FAM168B: variants seen among roughly 807,000 people sequenced by gnomAD.
The protein encoded by FAM168B is myelin-associated neurite-outgrowth inhibitor.
Under a neutral mutation model 21.8 loss-of-function variants are expected in FAM168B, and 19 were observed. The observed-to-expected ratio is 0.87, with a 90% CI of 0.61 to 1.28. The LOEUF is 1.28. Ranked by LOEUF, FAM168B falls within the 50% of genes most tolerant of loss-of-function variation. The probability of loss-of-function intolerance (pLI) is 0.00; values close to 1 mark genes in which losing one functional copy is unlikely to be tolerated. For missense variants in FAM168B, 233 were observed against 263.1 expected, an observed-to-expected ratio of 0.89 and a Z score of 0.79; for synonymous variants, 126 against 104.8, an observed-to-expected ratio of 1.20 and a Z score of -1.24.
chr2:131,084,825 T>G (rs925248427), intron 1 of FAM168B, among the ~76,000 whole-genome samples: 1 of 152,008 alleles, frequency 6.6e-6, no homozygotes, highest in South Asian at 2.1e-4. Context: ...CAAGCTTAAG[T>G]GATCTTCCCA....
Position 131,050,285 on chromosome 2 carries a change from G to A in FAM168B, c.*2180C>T, listed in dbSNP as rs1691579058. On this transcript the variant is annotated 3_prime_UTR_variant, in exon 7 of 7. Transcript: ENST00000389915. ...GTATGTTTCCATTTTGTTGTGTGGG[G>A]CTTTTTAAAAGCATACACTAACATT... 3 of 985,408 alleles carry A rather than the reference G, an allele frequency of 3.0e-6. No individual in the cohort carries two copies. Among genetic ancestry groups the A allele is most frequent in the South Asian group, 4.7e-5 (1 of 21,284 alleles). The allele number at this position is 985,408 out of a possible 1,614,324, so 61.0% of individuals were successfully genotyped here. A position where few individuals can be genotyped will look rare whatever the true frequency, so the allele number is the denominator to read the frequency against.
intron 3 of FAM168B, among the ~76,000 whole-genome samples, chr2:131,056,253 C>T (rs1692015365): frequency 6.6e-6 from 1 of 152,168 alleles, no homozygotes; most frequent in Non-Finnish European, 1.5e-5. Context: ...AAGCTGAACA[C>T]ACATACTTGC....
chr2:131,079,055 A>G (rs2105555239), intron 2 of FAM168B, among the ~76,000 whole-genome samples: 1 of 152,170 alleles, frequency 6.6e-6, no homozygotes, highest in East Asian at 1.9e-4. Context: ...TGCTGAGAGG[A>G]AATAATGTGA....
At chr2:131,081,385 A>G (rs2105565598) in intron 2 of FAM168B, among the ~76,000 whole-genome samples, 2 of 152,268 alleles carry the variant, frequency 1.3e-5, no homozygotes, top group Non-Finnish European at 1.5e-5. Flanking sequence ...ATATGCCCCC[A>G]CAGCAGTTCT....
chr2:131,060,487 A>G lies in FAM168B; in HGVS notation c.155-4792T>C, dbSNP rs962906867. On this transcript the variant is annotated intron_variant, in intron 3 of 6. Coordinates refer to ENST00000389915, the MANE Select transcript of FAM168B (RefSeq NM_001009993.4). ...AAGACTGCTACAGATTGAAAGAGAT[A>G]AGAGACATAAATTCAACTTTATAAA... Among the ~76,000 whole-genome samples, 4 of 152,368 alleles carry G rather than the reference A, an allele frequency of 2.6e-5. No homozygotes were observed. In the East Asian group the frequency reaches 7.7e-4, roughly 29 times the overall value.
At chr2:131,090,116 G>A (rs762524527) in intron 1 of FAM168B, among the ~76,000 whole-genome samples, 11 of 138,800 alleles carry the variant, frequency 7.9e-5, no homozygotes, top group Middle Eastern at 4.6e-3. Context: ...TCAGGAGATC[G>A]AGACCACAGT....
intron 3 of FAM168B, among the ~76,000 whole-genome samples, chr2:131,070,557 C>T (rs1274685112): frequency 6.6e-6 from 1 of 152,140 alleles, no homozygotes; most frequent in African/African-American, 2.4e-5. Context: ...TATTTATTTA[C>T]TCAAGAGAAA....
intron 3 of FAM168B, among the ~76,000 whole-genome samples, chr2:131,058,547 T>C (rs145511765): frequency 1.2e-3 from 180 of 152,296 alleles, no homozygotes; most frequent in Admixed American, 1.8e-3. Context: ...AAAGAAAAGA[T>C]TCCTCCAGGG....
chr2:131,091,432 G>A (rs1378504604), intron 1 of FAM168B, among the ~76,000 whole-genome samples: 1 of 152,012 alleles, frequency 6.6e-6, no homozygotes. Context: ...GACCACCTGA[G>A]GTCAGGAGTT....
At position 131,052,949 on chromosome 2, in the gene FAM168B, C is replaced by A. The variant is rs867500426; in HGVS notation, c.542G>T (p.Arg181Leu). 1.9e-6 allele frequency: 3 copies of A among 1,563,428 alleles called. No individual in the cohort carries two copies. Among genetic ancestry groups the A allele is most frequent in the East Asian group, 4.7e-5 (2 of 42,228 alleles). ...GCTGTAAGTGGGCGTTCCTGGGGCC[C>A]GGTACGTGGGCACAGTGACCGGGTG... ...APHPVTVPTYRAPGTPTYSYV... is the reference protein window; with the variant it reads ...APHPVTVPTYLAPGTPTYSYV... Residue 181 changes from arginine (R) to leucine (L), a missense_variant, in exon 6 of 7, where the codon CGG (arginine) becomes CTG (leucine). Physicochemically the swap from Arg to Leu is moderately radical, Grantham distance 102. Transcript: ENST00000389915.
intron 3 of FAM168B, among the ~76,000 whole-genome samples, chr2:131,070,727 A>G (rs879575267): frequency 6.6e-6 from 1 of 152,254 alleles, no homozygotes; most frequent in African/African-American, 2.4e-5. Context: ...CCTAACAATA[A>G]AAAGGAATGA....
At position 131,052,914 on chromosome 2, in the gene FAM168B, G is replaced by C; in HGVS notation, c.577C>G (p.Pro193Ala). ...PGTPTYSYVP[P>A]QW is the part of the protein sequence containing the mutation. ...ACATTTGCAGGTGATCACCACTGAG[G>C]GGGCACATAGCTGTAAGTGGGCGTT... The change falls in exon 6 of 7, where the codon CCT (proline) becomes GCT (alanine). Residue 193 changes from proline (P) to alanine (A), a missense_variant. Coordinates refer to ENST00000389915, the MANE Select transcript of FAM168B (RefSeq NM_001009993.4). 2 of 1,558,762 alleles carry C rather than the reference G, an allele frequency of 1.3e-6. No homozygotes were observed. Among genetic ancestry groups the C allele is most frequent in the Non-Finnish European group, 8.7e-7 (1 of 1,150,600 alleles).
Position 131,052,367 on chromosome 2 carries a change from G to C in FAM168B, c.*98C>G, listed in dbSNP as rs1428610837. 2 of 986,380 alleles carry C rather than the reference G, an allele frequency of 2.0e-6. No individual in the cohort carries two copies. Among genetic ancestry groups the C allele is most frequent in the Non-Finnish European group, 2.4e-6 (2 of 830,360 alleles). The allele number at this position is 986,380 out of a possible 1,614,324, so 61.1% of individuals were successfully genotyped here. Reference sequence around the variant, plus strand: ...TTTAGCTAAGTGTCGAGAGCATTAAGAAGAAAGTCCTGGTTGGAGGCGCAA... The same window carrying C: ...TTTAGCTAAGTGTCGAGAGCATTAACAAGAAAGTCCTGGTTGGAGGCGCAA... On this transcript the variant is annotated 3_prime_UTR_variant, in exon 7 of 7. Coordinates refer to ENST00000389915, the MANE Select transcript of FAM168B (RefSeq NM_001009993.4).
intron 3 of FAM168B, among the ~76,000 whole-genome samples, chr2:131,065,185 G>T (rs1446292136): frequency 6.6e-6 from 1 of 152,192 alleles, no homozygotes; most frequent in Non-Finnish European, 1.5e-5. Flanking sequence ...TCATGTGGAA[G>T]CACGGAAGGC....
At chr2:131,085,810 A>C (rs1693665926) in intron 1 of FAM168B, among the ~76,000 whole-genome samples, 2 of 152,222 alleles carry the variant, frequency 1.3e-5, no homozygotes, top group South Asian at 4.1e-4. Flanking sequence ...CTGACCAACA[A>C]AACTTTGTAC....
At chr2:131,065,211 T>A (rs1692494363) in intron 3 of FAM168B, among the ~76,000 whole-genome samples, 1 of 152,094 alleles carries the variant, frequency 6.6e-6, no homozygotes, top group Non-Finnish European at 1.5e-5. Context: ...CAAAAGCAGC[T>A]TTAAAGAGTT....
chr2:131,060,698 G>A (rs1666527810), intron 3 of FAM168B, among the ~76,000 whole-genome samples: 2 of 152,128 alleles, frequency 1.3e-5, no homozygotes, highest in Non-Finnish European at 2.9e-5. Flanking sequence ...CATTGGACAA[G>A]ACACAAAGGA....
chr2:131,048,795 A>G lies in FAM168B; in HGVS notation c.*3670T>C, dbSNP rs188951107. The stretch of plus-strand genomic sequence containing the variant: ...CTCTGCTTTAGAGACCCTCTCAGAA[A>G]GCACCAGAGAGGAGGACCAGACGCT... On this transcript the variant is annotated 3_prime_UTR_variant, in exon 7 of 7. Coordinates refer to ENST00000389915, the MANE Select transcript of FAM168B (RefSeq NM_001009993.4). 9 of 986,240 alleles carry G rather than the reference A, an allele frequency of 9.1e-6. No homozygotes were observed. In the East Asian group the frequency reaches 9.1e-4, roughly 99 times the overall value. The allele number at this position is 986,240 out of a possible 1,614,324, so 61.1% of individuals were successfully genotyped here.
chr2:131,065,900 ACT>A (rs902130982), intron 3 of FAM168B, among the ~76,000 whole-genome samples: 8 of 152,100 alleles, frequency 5.3e-5, no homozygotes, highest in African/African-American at 1.9e-4. Flanking sequence ...CCAGATAAAC[ACT>A]GTGTGATAAA....
Sources: gnomAD v4.1 joint callset for allele counts (sites outside exome capture counted in the v4.1 genomes callset) on GRCh38, gnomAD v4.1.1 for gene constraint, MANE v1.5 for transcripts, NCBI Gene and HGNC (gene_info 2026-07-23, HGNC 2026-07-21) for gene names.